NDRG3: variants seen among roughly 807,000 people sequenced by gnomAD.
NDRG3 encodes the protein NDRG family member 3.
NDRG3 carries 23 observed loss-of-function variants against 57.2 expected under a neutral mutation model. The observed-to-expected ratio is 0.40, with a 90% CI of 0.29 to 0.57. The LOEUF is 0.57. Among genes scored for constraint, NDRG3 ranks in the 20% least tolerant of loss-of-function variants. The pLI, the probability that NDRG3 is intolerant of heterozygous loss-of-function variation, is 0.42. For missense variants in NDRG3, 384 were observed against 457.3 expected (o/e 0.84, Z 1.46); for synonymous variants, 132 against 162.6 (o/e 0.81, Z 1.43).
At position 36,721,760 on chromosome 20, in the gene NDRG3, A is replaced by C. The variant is rs762247667; in HGVS notation, c.-25T>G. On this transcript the variant is annotated 5_prime_UTR_variant, in exon 2 of 16. The change creates a new upstream start codon in the 5' untranslated region. Coordinates refer to ENST00000349004, the MANE Select transcript of NDRG3 (RefSeq NM_032013.4). Reference sequence around the variant, plus strand: ...TGAGGTCAGATAACGAGAGTAGAGGAATCTCAAGAATAAATCAGTAACTCT... The same window carrying C: ...TGAGGTCAGATAACGAGAGTAGAGGCATCTCAAGAATAAATCAGTAACTCT... 1 of 1,534,418 alleles carries C rather than the reference A, an allele frequency of 6.5e-7. No homozygotes were observed. The highest frequency in any genetic ancestry group is 1.2e-5 in the South Asian group (1 of 86,234).
chr20:36,702,426 G>A (rs529718428), intron 3 of NDRG3, among the ~76,000 whole-genome samples: 5 of 152,140 alleles, frequency 3.3e-5, no homozygotes, highest in African/African-American at 4.8e-5. Context: ...GTGAGCGACC[G>A]CGCCCGGCCC....
At chr20:36,707,804 C>T (rs751640753) in intron 2 of NDRG3, among the ~76,000 whole-genome samples, 4 of 152,020 alleles carry the variant, frequency 2.6e-5, no homozygotes, top group Non-Finnish European at 5.9e-5. Flanking sequence ...AAAAAAGGGG[C>T]CGAGTGTGGT....
chr20:36,660,754 G>A (rs2148030058), intron 12 of NDRG3, among the ~76,000 whole-genome samples: 1 of 152,100 alleles, frequency 6.6e-6, no homozygotes, highest in South Asian at 2.1e-4. Flanking sequence ...TAGAGACGGG[G>A]TTTCACCGTG....
chr20:36,741,679 A>C (rs1985936462), intron 1 of NDRG3, among the ~76,000 whole-genome samples: 1 of 152,142 alleles, frequency 6.6e-6, no homozygotes, highest in African/African-American at 2.4e-5. Flanking sequence ...ACTTTTTTGA[A>C]ACAAGTTATT....
chr20:36,733,953 A>G (rs549529230), intron 1 of NDRG3, among the ~76,000 whole-genome samples: 2 of 152,322 alleles, frequency 1.3e-5, no homozygotes, highest in South Asian at 2.1e-4. Flanking sequence ...TTTCCAATCT[A>G]CAGAGCACCT....
chr20:36,695,208 C>T (rs758856481), intron 3 of NDRG3, among the ~76,000 whole-genome samples: 1 of 152,174 alleles, frequency 6.6e-6, no homozygotes, highest in Non-Finnish European at 1.5e-5. Context: ...TCTCTTAATG[C>T]TGTCATCTTC....
chr20:36,683,493 T>A (rs934713001), intron 6 of NDRG3, among the ~76,000 whole-genome samples: 1 of 151,946 alleles, frequency 6.6e-6, no homozygotes, highest in African/African-American at 2.4e-5. Context: ...GGCCTGTGCC[T>A]GTAATCCCAG....
At chr20:36,713,384 G>A (rs1166360081) in intron 2 of NDRG3, among the ~76,000 whole-genome samples, 1 of 151,994 alleles carries the variant, frequency 6.6e-6, no homozygotes, top group Non-Finnish European at 1.5e-5. Context: ...CAAGCTTAGA[G>A]AATAAGCAAA....
At position 36,652,290 on chromosome 20, in the gene NDRG3, G is replaced by T. The variant is rs1401569107; in HGVS notation, c.*1230C>A. Reference sequence around the variant, plus strand: ...TAGCTGGGTATGGTGGCAGGTGCCTGTAGTCTCAGCTACTCGGGAGGCTGA... The same window carrying T: ...TAGCTGGGTATGGTGGCAGGTGCCTTTAGTCTCAGCTACTCGGGAGGCTGA... On this transcript the variant is annotated 3_prime_UTR_variant, in exon 16 of 16. Transcript: ENST00000349004. 2 of 152,118 alleles carry T rather than the reference G, an allele frequency of 1.3e-5. No individual in the cohort carries two copies. Among genetic ancestry groups the T allele is most frequent in the Non-Finnish European group, 2.9e-5 (2 of 68,078 alleles). The allele number at this position is 152,118 out of a possible 1,614,324, so 9.4% of individuals were successfully genotyped here.
At chr20:36,714,413 A>G (rs994547988) in intron 2 of NDRG3, among the ~76,000 whole-genome samples, 1 of 150,748 alleles carries the variant, frequency 6.6e-6, no homozygotes, top group African/African-American at 2.4e-5. Context: ...TCAAAAAAAA[A>G]AAAAAAAATC....
intron 8 of NDRG3, among the ~76,000 whole-genome samples, chr20:36,674,933 C>T (rs1980531026): frequency 8.4e-6 from 1 of 119,664 alleles, no homozygotes; most frequent in Non-Finnish European, 1.6e-5. Flanking sequence ...GGGTCTCTGT[C>T]ACCTAGTCTG....
rs1025884109 is a variant in NDRG3 at position 36,694,264 on chromosome 20, T to G, written c.94-5480A>C. 3.9e-4 allele frequency among the ~76,000 whole-genome samples: 60 copies of G among 152,246 alleles called. 1 individual carries two copies. Among genetic ancestry groups the G allele is most frequent in the African/African-American group, 1.3e-3 (56 of 41,550 alleles). On this transcript the variant is annotated intron_variant, in intron 3 of 15. Transcript: ENST00000349004. Reference sequence around the variant, plus strand: ...GTAACTTTACAGAAATACATGGTAATTTGTCTGACTTTTTACACTCTCATT... The same window carrying G: ...GTAACTTTACAGAAATACATGGTAAGTTGTCTGACTTTTTACACTCTCATT...
At chr20:36,712,587 A>ATATATATT (rs57260715) in intron 2 of NDRG3, among the ~76,000 whole-genome samples, 17 of 5,912 alleles carry the variant, frequency 2.9e-3, no homozygotes, top group East Asian at 5.5e-3. Context: ...ATATATATAT[A>ATATATATT]TTTTTTTTTT....
chr20:36,679,309 A>G (rs2148085310), intron 8 of NDRG3, among the ~76,000 whole-genome samples: 1 of 152,306 alleles, frequency 6.6e-6, no homozygotes, highest in Non-Finnish European at 1.5e-5. Context: ...AAAGCTAAAC[A>G]TACAAATGCC....
intron 3 of NDRG3, among the ~76,000 whole-genome samples, chr20:36,692,781 G>A (rs1037011844): frequency 6.6e-6 from 1 of 151,482 alleles, no homozygotes; most frequent in Non-Finnish European, 1.5e-5. Context: ...ACCCCTAAAG[G>A]ATCTTAACCA....
In NDRG3 at chr20:36,740,684, ATG is replaced by A. The variant is rs1260586422; in HGVS notation, c.-49+5359_-49+5360del. 9.9e-5 allele frequency among the ~76,000 whole-genome samples: 15 copies of A among 152,198 alleles called. 1 individual carries two copies. Among genetic ancestry groups the A allele is most frequent in the African/African-American group, 3.6e-4 (15 of 41,440 alleles). On this transcript the variant is annotated intron_variant, in intron 1 of 15. Coordinates refer to ENST00000349004, the MANE Select transcript of NDRG3 (RefSeq NM_032013.4). ...AACTGATAAAATGTCAAATTCTGTC[ATG>A]TACTATGAGACATATCACAGAACTC...
intron 1 of NDRG3, among the ~76,000 whole-genome samples, chr20:36,744,928 G>A (rs898412215): frequency 3.5e-5 from 5 of 142,514 alleles, no homozygotes; most frequent in Non-Finnish European, 7.6e-5. Flanking sequence ...TCTCTTGGCA[G>A]GAAAGGAAGG....
intron 1 of NDRG3, among the ~76,000 whole-genome samples, chr20:36,729,449 C>T (rs1985142829): frequency 6.6e-6 from 1 of 152,104 alleles, no homozygotes; most frequent in Non-Finnish European, 1.5e-5. Context: ...GAGAGTCTAA[C>T]ATGTGACCTC....
intron 4 of NDRG3, among the ~76,000 whole-genome samples, chr20:36,688,060 G>A (rs990735359): frequency 3.9e-5 from 6 of 152,168 alleles, no homozygotes; most frequent in Non-Finnish European, 8.8e-5. Context: ...TGAAGGGAGG[G>A]GCTGCTGCTT....
Sources: allele counts gnomAD v4.1 joint callset (sites outside exome capture counted in the v4.1 genomes callset), GRCh38; gene constraint gnomAD v4.1.1; transcripts MANE v1.5; gene names NCBI Gene and HGNC (gene_info 2026-07-23, HGNC 2026-07-21).